Variants in CDH20 observed in about 807,000 individuals in gnomAD.
The protein encoded by CDH20 is cadherin 20.
In CDH20, 29 loss-of-function variants were observed where a neutral mutation model predicts 74.2. That is an observed-to-expected ratio of 0.39 (90% confidence interval 0.29 to 0.53). CDH20 has a LOEUF of 0.53. Ranked by LOEUF, CDH20 falls within the 20% of genes least tolerant of loss-of-function variation. The pLI is 0.69. For missense variants in CDH20, 988 were observed against 1,048.3 expected, an observed-to-expected ratio of 0.94 and a Z score of 0.79; for synonymous variants, 469 against 405.4, an observed-to-expected ratio of 1.16 and a Z score of -1.88.
intron 2 of CDH20, among the ~76,000 whole-genome samples, chr18:61,491,886 T>C (rs1263615333): frequency 1.3e-5 from 2 of 152,010 alleles, no homozygotes; most frequent in African/African-American, 4.8e-5. Context: ...TCCTTCTTTT[T>C]TCTCAGCCGC....
intron 1 of CDH20, among the ~76,000 whole-genome samples, chr18:61,415,625 T>A (rs533368934): frequency 3.3e-5 from 5 of 152,350 alleles, no homozygotes; most frequent in Admixed American, 6.5e-5. Flanking sequence ...TGTGTATGAT[T>A]AATTTCAACA....
intron 10 of CDH20, among the ~76,000 whole-genome samples, chr18:61,548,681 G>A (rs1259411070): frequency 2.6e-5 from 4 of 152,230 alleles, no homozygotes; most frequent in East Asian, 1.9e-4. Flanking sequence ...CTGTGGGTCT[G>A]AGCTCAGCGT....
intron 2 of CDH20, among the ~76,000 whole-genome samples, chr18:61,495,737 A>G (rs1040178425): frequency 4.6e-5 from 7 of 152,192 alleles, no homozygotes; most frequent in Admixed American, 3.9e-4. Context: ...CCAGAGGGGC[A>G]CTGGCTGTTT....
chr18:61,420,915 G>A (rs770445045), intron 1 of CDH20, among the ~76,000 whole-genome samples: 18 of 152,216 alleles, frequency 1.2e-4, no homozygotes, highest in East Asian at 1.2e-3. Flanking sequence ...CTAGCTGGGC[G>A]TGTGGCGTGC....
chr18:61,541,376 G>C (rs1323610050), intron 9 of CDH20, among the ~76,000 whole-genome samples: 1 of 151,916 alleles, frequency 6.6e-6, no homozygotes, highest in African/African-American at 2.4e-5. Context: ...ATAATACAAA[G>C]AGGGTGATAA....
intron 1 of CDH20, among the ~76,000 whole-genome samples, chr18:61,354,015 G>A (rs949993679): frequency 1.3e-5 from 2 of 148,182 alleles, no homozygotes; most frequent in Admixed American, 6.8e-5. Context: ...CACACACTCA[G>A]CCTGGGTGAC....
chr18:61,392,090 C>T (rs761471999), intron 1 of CDH20, among the ~76,000 whole-genome samples: 2 of 152,078 alleles, frequency 1.3e-5, no homozygotes, highest in East Asian at 1.9e-4. Context: ...AAGATTACTG[C>T]CCTTGCCTGA....
At chr18:61,435,941 G>A (rs982475673) in intron 1 of CDH20, among the ~76,000 whole-genome samples, 3 of 151,802 alleles carry the variant, frequency 2.0e-5, no homozygotes, top group Admixed American at 6.6e-5. Context: ...CTGCACACTC[G>A]CCACCACAGC....
At chr18:61,393,093 TG>T (rs1173338993) in intron 1 of CDH20, among the ~76,000 whole-genome samples, 15 of 152,346 alleles carry the variant, frequency 9.8e-5, no homozygotes, top group African/African-American at 3.6e-4. Context: ...ATTTGTAAAC[TG>T]TAAATCAGAA....
chr18:61,429,676 G>A (rs892206746), intron 1 of CDH20, among the ~76,000 whole-genome samples: 10 of 152,038 alleles, frequency 6.6e-5, no homozygotes, highest in East Asian at 1.9e-4. Context: ...GGACAGCCTC[G>A]TCTCCCCTGA....
intron 1 of CDH20, among the ~76,000 whole-genome samples, chr18:61,351,252 T>C (rs1031325089): frequency 6.6e-6 from 1 of 152,154 alleles, no homozygotes; most frequent in African/African-American, 2.4e-5. Context: ...GTCCCAGGGT[T>C]ACTTATTGAG....
intron 1 of CDH20, among the ~76,000 whole-genome samples, chr18:61,455,662 A>T (rs1909549918): frequency 6.6e-6 from 1 of 152,132 alleles, no homozygotes; most frequent in Admixed American, 6.5e-5. Flanking sequence ...CTATTTATAA[A>T]ACCACTGGAA....
chr18:61,456,301 T>C (rs551932516), intron 1 of CDH20, among the ~76,000 whole-genome samples: 2 of 152,340 alleles, frequency 1.3e-5, no homozygotes, highest in East Asian at 1.9e-4. Context: ...ATATTCTATG[T>C]TCTCTACATG....
At chr18:61,529,159 C>G (rs1912554795) in intron 7 of CDH20, among the ~76,000 whole-genome samples, 1 of 152,206 alleles carries the variant, frequency 6.6e-6, no homozygotes, top group East Asian at 1.9e-4. Context: ...AAGCGTGACA[C>G]AAAAGATCAG....
chr18:61,523,825 C>T (rs1274096443), intron 6 of CDH20, among the ~76,000 whole-genome samples: 1 of 152,096 alleles, frequency 6.6e-6, no homozygotes, highest in Non-Finnish European at 1.5e-5. Context: ...GAAAACTAAA[C>T]ACTGCATGTT....
intron 10 of CDH20, among the ~76,000 whole-genome samples, chr18:61,546,012 T>C (rs1024230326): frequency 1.3e-5 from 2 of 152,076 alleles, no homozygotes; most frequent in African/African-American, 4.8e-5. Flanking sequence ...GCCAGATGAT[T>C]TGCTTCAAAA....
At chr18:61,456,351 A>G (rs1341868135) in intron 1 of CDH20, among the ~76,000 whole-genome samples, 1 of 152,054 alleles carries the variant, frequency 6.6e-6, no homozygotes, top group African/African-American at 2.4e-5. Context: ...CATACCTAGG[A>G]TTGTCTCTTT....
intron 1 of CDH20, among the ~76,000 whole-genome samples, chr18:61,453,185 C>T (rs1031857251): frequency 2.0e-5 from 3 of 152,186 alleles, no homozygotes; most frequent in Admixed American, 1.3e-4. Context: ...CTCCTTAATC[C>T]TTGGCAACTA....
At chr18:61,502,292 G>T (rs531641024) in intron 4 of CDH20, among the ~76,000 whole-genome samples, 6 of 152,154 alleles carry the variant, frequency 3.9e-5, no homozygotes, top group Non-Finnish European at 7.4e-5. Context: ...GCTCTCTGGG[G>T]AAATTCATAT....
Sources: gnomAD v4.1 joint callset for allele counts (sites outside exome capture counted in the v4.1 genomes callset) on GRCh38, gnomAD v4.1.1 for gene constraint, MANE v1.5 for transcripts, NCBI Gene and HGNC (gene_info 2026-07-23, HGNC 2026-07-21) for gene names.